The following CTNNA3 variants were observed in gnomAD, a reference collection of about 807,000 sequenced individuals.
CTNNA3 encodes the protein catenin alpha-3.
CTNNA3 carries 76 observed loss-of-function variants against 95.7 expected under a neutral mutation model. That is an observed-to-expected ratio of 0.79 (90% CI 0.66 to 0.96). The LOEUF (loss-of-function observed/expected upper bound fraction) is 0.96. Ranked by LOEUF, CTNNA3 falls within the 40% of genes least tolerant of loss-of-function variation. CTNNA3 has a pLI of 0.00. For missense variants in CTNNA3, 1,191 were observed against 1,089.8 expected (o/e 1.09, Z -1.31); for synonymous variants, 431 against 374.4 (o/e 1.15, Z -1.74).
At chr10:67,651,074 T>A (rs922827612) in intron 1 of CTNNA3, among the ~76,000 whole-genome samples, 3 of 152,018 alleles carry the variant, frequency 2.0e-5, no homozygotes, top group Admixed American at 2.0e-4. Context: ...CTTGGAAACC[T>A]AACCATCTGT....
At chr10:66,198,748 A>G (rs2087123721) in intron 13 of CTNNA3, among the ~76,000 whole-genome samples, 1 of 152,220 alleles carries the variant, frequency 6.6e-6, no homozygotes, top group Non-Finnish European at 1.5e-5. Context: ...CCAAAAATGT[A>G]TAGCATATAT....
chr10:66,060,040 T>G (rs1001188059), intron 15 of CTNNA3, among the ~76,000 whole-genome samples: 3 of 152,078 alleles, frequency 2.0e-5, no homozygotes, highest in African/African-American at 7.2e-5. Context: ...GTTTTGCCTT[T>G]TACCCCATAA....
At chr10:67,746,222 G>A (rs578215853) in intron 1 of CTNNA3, among the ~76,000 whole-genome samples, 1 of 152,064 alleles carries the variant, frequency 6.6e-6, no homozygotes, top group South Asian at 2.1e-4. Flanking sequence ...GCATAAACAG[G>A]GACACAGACC....
intron 1 of CTNNA3, among the ~76,000 whole-genome samples, chr10:67,657,934 G>A (rs564256334): frequency 1.4e-4 from 21 of 151,254 alleles, no homozygotes; most frequent in Non-Finnish European, 2.7e-4. Context: ...GCAAGTGTTA[G>A]CAGAAAGGCC....
intron 13 of CTNNA3, among the ~76,000 whole-genome samples, chr10:66,125,460 T>C (rs1485494961): frequency 6.6e-6 from 1 of 152,088 alleles, no homozygotes; most frequent in Non-Finnish European, 1.5e-5. Context: ...TTAAGAAAAG[T>C]ATAAGTTATA....
chr10:66,279,598 G>A (rs867939221), intron 13 of CTNNA3, among the ~76,000 whole-genome samples: 6 of 152,062 alleles, frequency 3.9e-5, no homozygotes, highest in African/African-American at 1.4e-4. Context: ...GCATTCTGCA[G>A]TACTACCCAG....
At chr10:67,509,245 G>T (rs1401106358) in intron 5 of CTNNA3, among the ~76,000 whole-genome samples, 1 of 151,502 alleles carries the variant, frequency 6.6e-6, no homozygotes, top group African/African-American at 2.4e-5. Context: ...ACAATGTGCA[G>T]GTTTGTTACA....
intron 11 of CTNNA3, among the ~76,000 whole-genome samples, chr10:66,383,035 C>T (rs1044949842): frequency 2.0e-5 from 3 of 152,220 alleles, no homozygotes; most frequent in Admixed American, 6.5e-5. Flanking sequence ...AGCACCTCTT[C>T]TCCTCCAAAG....
At chr10:66,041,279 T>C (rs1676815345) in intron 15 of CTNNA3, among the ~76,000 whole-genome samples, 1 of 152,190 alleles carries the variant, frequency 6.6e-6, no homozygotes, top group South Asian at 2.1e-4. Flanking sequence ...GGGAATGTCA[T>C]AGATTGGAGG....
rs570979955 is a variant in CTNNA3 at position 65,941,535 on chromosome 10, G to T, written c.2401-20918C>A. Among the ~76,000 whole-genome samples, 5 of 152,220 alleles carry T rather than the reference G, an allele frequency of 3.3e-5. No homozygotes were observed. The East Asian group carries it at 9.7e-4, about 29-fold the overall frequency. ...GCCAGAGTCTGCATTTTCCCCCCAG[G>T]CTAAGGAAGAAAAATTCAGTTTGCT... On this transcript the variant is annotated intron_variant, in intron 17 of 17. Transcript: ENST00000433211.
At chr10:67,504,347 G>A (rs1472929096) in intron 5 of CTNNA3, among the ~76,000 whole-genome samples, 5 of 147,124 alleles carry the variant, frequency 3.4e-5, no homozygotes, top group South Asian at 4.4e-4. Flanking sequence ...CAGCTACTCC[G>A]GAGGCTAAGG....
intron 5 of CTNNA3, among the ~76,000 whole-genome samples, chr10:67,303,101 C>A (rs1029291786): frequency 1.3e-5 from 2 of 152,048 alleles, no homozygotes; most frequent in Non-Finnish European, 2.9e-5. Flanking sequence ...TAATGTGCAC[C>A]AATGTTTGAG....
At chr10:67,717,623 G>A (rs552946152) in intron 1 of CTNNA3, among the ~76,000 whole-genome samples, 1 of 152,232 alleles carries the variant, frequency 6.6e-6, no homozygotes, top group Non-Finnish European at 1.5e-5. Flanking sequence ...TGATCAGATG[G>A]TTGTAGATTT....
At chr10:66,322,821 T>C (rs974483055) in intron 12 of CTNNA3, among the ~76,000 whole-genome samples, 5 of 151,966 alleles carry the variant, frequency 3.3e-5, no homozygotes, top group African/African-American at 1.2e-4. Flanking sequence ...GTATTTAGTG[T>C]CCCTTTTCAC....
chr10:67,236,272 C>T (rs1183788464), intron 5 of CTNNA3, among the ~76,000 whole-genome samples: 1 of 150,134 alleles, frequency 6.7e-6, no homozygotes, highest in Non-Finnish European at 1.5e-5. Context: ...AAATGTCCAA[C>T]AATGATAGAC....
At chr10:67,038,254 TATC>T (rs1316450393) in intron 7 of CTNNA3, among the ~76,000 whole-genome samples, 2 of 152,140 alleles carry the variant, frequency 1.3e-5, no homozygotes, top group Admixed American at 6.6e-5. Context: ...TAAAAAAATC[TATC>T]CTCCTAAAAT....
At chr10:66,127,567 A>G (rs2082885560) in intron 13 of CTNNA3, among the ~76,000 whole-genome samples, 1 of 152,160 alleles carries the variant, frequency 6.6e-6, no homozygotes, top group African/African-American at 2.4e-5. Flanking sequence ...GTCACAGCCA[A>G]GAAAAGACTA....
chr10:66,803,049 T>C (rs1244494011), intron 7 of CTNNA3, among the ~76,000 whole-genome samples: 1 of 151,986 alleles, frequency 6.6e-6, no homozygotes, highest in African/African-American at 2.4e-5. Context: ...TACACCCATG[T>C]ACATATTTTT....
At chr10:66,883,411 T>C (rs1426861693) in intron 7 of CTNNA3, among the ~76,000 whole-genome samples, 1 of 152,080 alleles carries the variant, frequency 6.6e-6, no homozygotes, top group Non-Finnish European at 1.5e-5. Context: ...ATTCCTACCA[T>C]TTAGAAAGTT....
Sources: allele counts gnomAD v4.1 joint callset (sites outside exome capture counted in the v4.1 genomes callset), GRCh38; gene constraint gnomAD v4.1.1; transcripts MANE v1.5; gene names NCBI Gene and HGNC (gene_info 2026-07-23, HGNC 2026-07-21).